Variants in CNTNAP3B observed in about 807,000 individuals in gnomAD.
The protein encoded by CNTNAP3B is contactin-associated protein-like 3B.
Under a neutral mutation model 108.9 loss-of-function variants are expected in CNTNAP3B, and 25 were observed. The ratio of observed to expected loss-of-function variants is 0.23; its 90% CI spans 0.17 to 0.32. CNTNAP3B has a LOEUF of 0.32. CNTNAP3B is among the 10% of genes least tolerant of loss of function. The probability of loss-of-function intolerance (pLI) is 1.00; values close to 1 mark genes in which losing one functional copy is unlikely to be tolerated. For synonymous variants in CNTNAP3B, 103 were observed against 473.4 expected (o/e 0.22, Z 10.16); for missense variants, 252 against 1,210.4 (o/e 0.21, Z 11.75).
intron 10 of CNTNAP3B, among the ~76,000 whole-genome samples, chr9:41,968,056 A>G (rs1402620162): frequency 8.1e-4 from 123 of 152,134 alleles, no homozygotes; most frequent in Non-Finnish European, 2.6e-4. Flanking sequence ...AACAGCCTAT[A>G]ACAGTAAAAA....
chr9:41,961,154 T>C (rs1825077884), intron 11 of CNTNAP3B, among the ~76,000 whole-genome samples: 1 of 152,308 alleles, frequency 6.6e-6, no homozygotes, highest in African/African-American at 2.4e-5. Flanking sequence ...GAATAAATAT[T>C]CGGTCACAGT....
In CNTNAP3B at chr9:41,915,869, C is replaced by T. The variant is rs1232521864; in HGVS notation, c.2995+4201G>A. 2.3e-3 allele frequency among the ~76,000 whole-genome samples: 351 copies of T among 150,524 alleles called. 8 individuals are homozygous for T. Among genetic ancestry groups the T allele is most frequent in the Admixed American group, 0.022 (312 of 14,510 alleles). On this transcript the variant is annotated intron_variant, in intron 18 of 23. Transcript: ENST00000377561. ...TTTGGTATATAGGCCTTTTAATATA[C>T]TTCATGACAATGTTTTATTTTCTTT...
chr9:41,947,859 A>T (rs1402257031), intron 13 of CNTNAP3B, among the ~76,000 whole-genome samples: 2 of 152,260 alleles, frequency 1.3e-5, no homozygotes, highest in Non-Finnish European at 2.9e-5. Context: ...TGCTGGAGAC[A>T]TCAAACGAAT....
chr9:41,947,730 A>G (rs12238825), intron 13 of CNTNAP3B, among the ~76,000 whole-genome samples: 2 of 151,710 alleles, frequency 1.3e-5, no homozygotes, highest in Admixed American at 1.3e-4. Context: ...GAGAAAATCA[A>G]GAAACGAAAA....
intron 3 of CNTNAP3B, among the ~76,000 whole-genome samples, chr9:42,064,928 T>C (rs374982996): frequency 9.6e-3 from 1,415 of 147,458 alleles, no homozygotes; most frequent in Non-Finnish European, 0.014. Context: ...CACAAGTGCA[T>C]GTGTCTTTTT....
chr9:42,081,409 C>T (rs1180433035), intron 2 of CNTNAP3B, among the ~76,000 whole-genome samples: 3 of 143,274 alleles, frequency 2.1e-5, no homozygotes, highest in African/African-American at 5.4e-5. Flanking sequence ...AGTTTTGCCA[C>T]TTATTTTGTA....
In CNTNAP3B at chr9:42,112,552, C is replaced by T. The variant is rs1354653999; in HGVS notation, c.86-7813G>A. Among the ~76,000 whole-genome samples, 15 of 138,720 alleles carry T rather than the reference C, an allele frequency of 1.1e-4. 3 individuals carry two copies. In the East Asian group the frequency reaches 3.3e-3, roughly 30 times the overall value. The allele number at this position is 138,720 out of a possible 152,430, so 91.0% of individuals were successfully genotyped here. A position where few individuals can be genotyped will look rare whatever the true frequency, so the allele number is the denominator to read the frequency against. On this transcript the variant is annotated intron_variant, in intron 1 of 23. Coordinates refer to ENST00000377561, the MANE Select transcript of CNTNAP3B (RefSeq NM_001201380.3). Reference sequence around the variant, plus strand: ...ATGACAGACAATTCCTAGAGTCTACCTGTGGGAACAGATGAGGCTTGGAAG... The same window carrying T: ...ATGACAGACAATTCCTAGAGTCTACTTGTGGGAACAGATGAGGCTTGGAAG...
At chr9:41,945,319 A>G (rs1399714362) in intron 13 of CNTNAP3B, among the ~76,000 whole-genome samples, 1 of 152,308 alleles carries the variant, frequency 6.6e-6, no homozygotes, top group Non-Finnish European at 1.5e-5. Flanking sequence ...ATGCACACAT[A>G]TGTTTACTGA....
chr9:41,943,345 A>ATTTTTTTTTTTTTTTTTTTTTTTTTTTTT (rs1165684239), intron 13 of CNTNAP3B, among the ~76,000 whole-genome samples: 3 of 132,562 alleles, frequency 2.3e-5, no homozygotes, highest in Non-Finnish European at 4.8e-5. Flanking sequence ...TTGGACAATA[A>ATTTTTTTTTTTTTTTTTTTTTTTTTTTTT]TTTTTTTTTT....
rs568897845 is a variant in CNTNAP3B, at chr9:42,094,241, G to A, written c.196+10388C>T. ...AAGTGCCAGACATATTTAGCATGCA[G>A]GCTTAGTAAAAATCTAGATTAGGTC... On this transcript the variant is annotated intron_variant, in intron 2 of 23. Coordinates refer to ENST00000377561, the MANE Select transcript of CNTNAP3B (RefSeq NM_001201380.3). 3.6e-3 allele frequency among the ~76,000 whole-genome samples: 505 copies of A among 138,900 alleles called. 111 individuals carry two copies. Among genetic ancestry groups the A allele is most frequent in the African/African-American group, 0.013 (472 of 35,042 alleles). 91.1% of individuals were successfully genotyped at this position (138,900 alleles called of 152,430 possible). A position where few individuals can be genotyped will look rare whatever the true frequency, so the allele number is the denominator to read the frequency against.
intron 13 of CNTNAP3B, among the ~76,000 whole-genome samples, chr9:41,948,015 T>A: frequency 9.7e-6 from 1 of 103,422 alleles, no homozygotes; most frequent in South Asian, 3.2e-4. Flanking sequence ...GAAAATTGAA[T>A]TCATAATTTA....
At chr9:41,937,612 AT>A (rs1168505187) in intron 14 of CNTNAP3B, among the ~76,000 whole-genome samples, 12 of 152,276 alleles carry the variant, frequency 7.9e-5, no homozygotes, top group Admixed American at 7.9e-4. Flanking sequence ...TGCAATCTAC[AT>A]GAGAAAATTG....
At chr9:41,951,249 TA>T (rs1824671356) in intron 13 of CNTNAP3B, among the ~76,000 whole-genome samples, 1 of 135,036 alleles carries the variant, frequency 7.4e-6, no homozygotes, top group East Asian at 2.2e-4. Context: ...AAATTTTTTT[TA>T]AATTATCTTT....
intron 8 of CNTNAP3B, among the ~76,000 whole-genome samples, chr9:41,988,238 ATTTTTTTTTTTTTTT>A (rs1209677991): frequency 3.9e-5 from 1 of 25,872 alleles, no homozygotes. Context: ...CCTTCTTTGA[ATTTTTTTTTTTTTTT>A]TTTTTTTTTT....
chr9:41,943,519 A>AT (rs1222293471), intron 13 of CNTNAP3B, among the ~76,000 whole-genome samples: 6 of 151,878 alleles, frequency 4.0e-5, no homozygotes, highest in African/African-American at 4.9e-5. Flanking sequence ...CGCCCAGCTA[A>AT]TTTTTTGTAT....
intron 1 of CNTNAP3B, among the ~76,000 whole-genome samples, chr9:42,112,159 T>TCC (rs1828204563): frequency 7.1e-6 from 1 of 139,994 alleles, no homozygotes; most frequent in South Asian, 2.3e-4. Flanking sequence ...GCACCAATGC[T>TCC]CCTTGACCGC....
intron 17 of CNTNAP3B, among the ~76,000 whole-genome samples, chr9:41,920,949 G>A (rs1328680163): frequency 1.3e-5 from 2 of 152,302 alleles, no homozygotes; most frequent in Non-Finnish European, 2.9e-5. Context: ...AAACTTGAAT[G>A]CTGAAGAAAC....
chr9:42,070,469 T>C (rs1827349595), intron 3 of CNTNAP3B, among the ~76,000 whole-genome samples: 1 of 146,154 alleles, frequency 6.8e-6, no homozygotes, highest in South Asian at 2.2e-4. Context: ...AGGGCTGACG[T>C]GTCCTGCAGA....
At chr9:42,120,827 TG>T (rs1159346556) in intron 1 of CNTNAP3B, among the ~76,000 whole-genome samples, 1 of 36,114 alleles carries the variant, frequency 2.8e-5, no homozygotes, top group Non-Finnish European at 4.6e-5. Context: ...TGTCGCGGGG[TG>T]GGGGGAGGGG....
Sources: allele counts gnomAD v4.1 joint callset (sites outside exome capture counted in the v4.1 genomes callset), GRCh38; gene constraint gnomAD v4.1.1; transcripts MANE v1.5; gene names NCBI Gene and HGNC (gene_info 2026-07-23, HGNC 2026-07-21).